FBLN5: variants seen among roughly 807,000 people sequenced by gnomAD.
FBLN5 encodes the protein fibulin 5.
FBLN5 carries 24 observed loss-of-function variants against 61.6 expected under a neutral mutation model. The ratio of observed to expected loss-of-function variants is 0.39; its 90% CI spans 0.28 to 0.55. The LOEUF is 0.55. Among genes scored for constraint, FBLN5 ranks in the 20% least tolerant of loss-of-function variants. FBLN5 has a pLI of 0.65. For missense variants in FBLN5, 470 were observed against 594.1 expected, an observed-to-expected ratio of 0.79 and a Z score of 2.17; for synonymous variants, 213 against 219.8, an observed-to-expected ratio of 0.97 and a Z score of 0.27.
intron 4 of FBLN5, among the ~76,000 whole-genome samples, chr14:91,919,007 A>C (rs983369174): frequency 1.6e-4 from 24 of 152,126 alleles, no homozygotes; most frequent in African/African-American, 5.6e-4. Context: ...TCTGGGAAGA[A>C]ATCACAGATT....
Position 91,869,970 on chromosome 14 carries a change from A to G in FBLN5, c.*254T>C. On this transcript the variant is annotated 3_prime_UTR_variant, in exon 11 of 11. Transcript: ENST00000342058. ...AACTGAAGGCCTTGAAAATTCACCA[A>G]CAATCTTCTATCAGGGGAGCAATGA... The G allele has an allele frequency of 2.0e-6, 1 of 507,940 alleles. No individual in the cohort carries two copies. The highest frequency in any genetic ancestry group is 3.6e-6 in the Non-Finnish European group (1 of 278,508). The allele number at this position is 507,940 out of a possible 1,614,324, so 31.5% of individuals were successfully genotyped here.
At chr14:91,884,157 G>A (rs1438331752) in intron 7 of FBLN5, among the ~76,000 whole-genome samples, 1 of 152,148 alleles carries the variant, frequency 6.6e-6, no homozygotes, top group Non-Finnish European at 1.5e-5. Flanking sequence ...ATAATTCCGG[G>A]TGTTACACGC....
chr14:91,892,871 C>G (rs1340438640), intron 5 of FBLN5, among the ~76,000 whole-genome samples: 1 of 152,204 alleles, frequency 6.6e-6, no homozygotes, highest in Admixed American at 6.6e-5. Context: ...GGCAGGAGTT[C>G]AGCCATAATT....
At chr14:91,886,780 C>G (rs537218061) in intron 7 of FBLN5, among the ~76,000 whole-genome samples, 5 of 152,284 alleles carry the variant, frequency 3.3e-5, no homozygotes, top group Admixed American at 2.6e-4. Context: ...ATGTTCCCCC[C>G]AACCCTACCC....
chr14:91,875,800 A>T (rs1342500575), intron 10 of FBLN5, among the ~76,000 whole-genome samples: 1 of 152,226 alleles, frequency 6.6e-6, no homozygotes, highest in Non-Finnish European at 1.5e-5. Context: ...GAAACTTCAC[A>T]GTGGGTAAGA....
chr14:91,882,966 G>A lies in FBLN5; in HGVS notation c.850C>T (p.Arg284Ter), dbSNP rs2139960687. The A allele has an allele frequency of 3.1e-6, 5 of 1,613,976 alleles. No homozygotes were observed. Among genetic ancestry groups the A allele is most frequent in the Non-Finnish European group, 4.2e-6 (5 of 1,179,918 alleles). ...CGGACAGCCTTACCTTGGCAGCTTC[G>A]GTTGTCATCCAGCAGGATGTAGCCT... ...PPGYILLDDN[R>*]SCQDINECEH... Residue 284 changes from arginine to a stop codon, truncating the protein, a stop_gained, in exon 8 of 11, where the codon CGA becomes TGA. Coordinates refer to ENST00000342058, the MANE Select transcript of FBLN5 (RefSeq NM_006329.4). LOFTEE classifies it high-confidence loss of function. This position sits in a 1 kb window ranked among gnomAD's most constrained non-coding sequence, Gnocchi z 4.9.
At chr14:91,924,279 T>C (rs1355697078) in intron 4 of FBLN5, among the ~76,000 whole-genome samples, 1 of 152,254 alleles carries the variant, frequency 6.6e-6, no homozygotes, top group African/African-American at 2.4e-5. Context: ...TTAACCTATG[T>C]AGAAACTGTA....
In FBLN5 at chr14:91,947,338, G is replaced by A. The variant is rs936065185; in HGVS notation, c.-109C>T. 3.0e-6 allele frequency: 4 copies of A among 1,330,506 alleles called. No individual in the cohort carries two copies. The highest frequency in any genetic ancestry group is 3.2e-6 in the Non-Finnish European group (3 of 930,348). 82.4% of individuals were successfully genotyped at this position (1,330,506 alleles called of 1,614,324 possible). A position where few individuals can be genotyped will look rare whatever the true frequency, so the allele number is the denominator to read the frequency against. ...TCCTCTGGGCCCTCGGGGCTCGCGG[G>A]TGTTTTATTCCAGAGGGGCCGAGCG... On this transcript the variant is annotated 5_prime_UTR_variant, in exon 1 of 11. Coordinates refer to ENST00000342058, the MANE Select transcript of FBLN5 (RefSeq NM_006329.4). The surrounding 1 kb of genome is among the most constrained non-coding windows in gnomAD (Gnocchi z 4.3).
intron 4 of FBLN5, among the ~76,000 whole-genome samples, chr14:91,915,404 G>C (rs766618184): frequency 6.6e-6 from 1 of 151,946 alleles, no homozygotes; most frequent in Non-Finnish European, 1.5e-5. Context: ...ATATCGTAGC[G>C]GCCAAGCACG....
Position 91,881,282 on chromosome 14 carries a change from C to T in FBLN5, c.989+10G>A, listed in dbSNP as rs777308109. 1.4e-5 allele frequency: 22 copies of T among 1,613,844 alleles called. No homozygotes were observed. The highest frequency in any genetic ancestry group is 1.7e-5 in the Non-Finnish European group (20 of 1,179,918). On this transcript the variant is annotated intron_variant, in intron 9 of 10. Coordinates refer to ENST00000342058, the MANE Select transcript of FBLN5 (RefSeq NM_006329.4). ...AGGTTTCTATTCCCCAGGGGGACGC[C>T]GTGACTTACTTATCACTGATCCTCA... is the stretch of plus-strand genomic sequence containing the variant.
intron 6 of FBLN5, among the ~76,000 whole-genome samples, chr14:91,888,929 C>T (rs1278792822): frequency 6.6e-6 from 1 of 152,202 alleles, no homozygotes. Context: ...CTTCCCAAGT[C>T]CATGTAAACC....
chr14:91,887,445 C>T, intron 6 of FBLN5, 133 bp from the exon 7 acceptor site: 1 of 922,458 alleles, frequency 1.1e-6, no homozygotes. Context: ...GCTCTCCACC[C>T]AGGACCTTTG....
chr14:91,940,307 C>T (rs529169928), intron 3 of FBLN5, among the ~76,000 whole-genome samples: 8 of 152,256 alleles, frequency 5.3e-5, no homozygotes, highest in South Asian at 2.1e-4. Context: ...TAATTTGTTA[C>T]GGCAGCCCTA....
At chr14:91,897,641 A>T (rs1890279789) in intron 4 of FBLN5, among the ~76,000 whole-genome samples, 1 of 152,214 alleles carries the variant, frequency 6.6e-6, no homozygotes, top group African/African-American at 2.4e-5. Flanking sequence ...GCCAGGCTGG[A>T]CTCAGAAGGG....
Position 91,870,063 on chromosome 14 carries a change from A to G in FBLN5, c.*161T>C. On this transcript the variant is annotated 3_prime_UTR_variant, in exon 11 of 11. Coordinates refer to ENST00000342058, the MANE Select transcript of FBLN5 (RefSeq NM_006329.4). ...AGTCCTGCAGGGTGACAGGTCTGCA[A>G]TAGTACAGGTGAGAGTCAGGAAGTC... The G allele has an allele frequency of 4.1e-6, 3 of 732,720 alleles. No individual in the cohort carries two copies. Among genetic ancestry groups the G allele is most frequent in the Non-Finnish European group, 7.2e-6 (3 of 416,748 alleles). The allele number at this position is 732,720 out of a possible 1,614,324, so 45.4% of individuals were successfully genotyped here.
At chr14:91,909,590 T>C (rs1368602557) in intron 4 of FBLN5, among the ~76,000 whole-genome samples, 1 of 152,114 alleles carries the variant, frequency 6.6e-6, no homozygotes, top group Non-Finnish European at 1.5e-5. Flanking sequence ...GCCCCCATGA[T>C]GGAATTGGTG....
At chr14:91,942,763 C>T (rs1033844540) in intron 2 of FBLN5, 144 bp downstream of exon 2, 1 of 666,542 alleles carries the variant, frequency 1.5e-6, no homozygotes, top group Non-Finnish European at 2.7e-6. Context: ...CCACTGTTAA[C>T]CTCTGAGAAT....
rs1224851982 is a variant in FBLN5, at chr14:91,891,193, T to C, written c.619+28A>G. On this transcript the variant is annotated intron_variant, in intron 6 of 10. Coordinates refer to ENST00000342058, the MANE Select transcript of FBLN5 (RefSeq NM_006329.4). ...AGGCTGCAGCTAGTGTCTCACATCATGTCCAAGTTATCATGCACGTCACAT... is the reference window on the plus strand; with the variant it reads ...AGGCTGCAGCTAGTGTCTCACATCACGTCCAAGTTATCATGCACGTCACAT... The C allele has an allele frequency of 2.3e-6, 3 of 1,285,314 alleles. 1 individual carries two copies. Among genetic ancestry groups the C allele is most frequent in the Middle Eastern group, 3.7e-4 (2 of 5,416 alleles). 79.6% of individuals were successfully genotyped at this position (1,285,314 alleles called of 1,614,324 possible). A position where few individuals can be genotyped will look rare whatever the true frequency, so the allele number is the denominator to read the frequency against.
At chr14:91,938,661 AG>A (rs2056058941) in intron 3 of FBLN5, among the ~76,000 whole-genome samples, 1 of 152,126 alleles carries the variant, frequency 6.6e-6, no homozygotes, top group African/African-American at 2.4e-5. Flanking sequence ...GGGTACAGAC[AG>A]GGGAGGCCTG....
Sources: gnomAD v4.1 joint callset for allele counts (sites outside exome capture counted in the v4.1 genomes callset) on GRCh38, gnomAD v4.1.1 for gene constraint, Gnocchi (gnomAD v3.1) non-coding constraint, MANE v1.5 for transcripts, NCBI Gene and HGNC (gene_info 2026-07-23, HGNC 2026-07-21) for gene names.